The following TSACC variants were observed in gnomAD, a reference collection of about 807,000 sequenced individuals.
TSACC encodes TSSK6 activating cochaperone.
A neutral mutation model predicts 6.9 loss-of-function variants in TSACC; 3 were observed. The ratio of observed to expected loss-of-function variants is 0.43; its 90% confidence interval spans 0.20 to 1.12. TSACC has a LOEUF of 1.12. TSACC is among the 50% of genes most tolerant of loss of function. TSACC has a pLI of 0.28. For missense variants in TSACC, 137 were observed against 143.9 expected, an observed-to-expected ratio of 0.95 and a Z score of 0.24; for synonymous variants, 54 against 55.1, an observed-to-expected ratio of 0.98 and a Z score of 0.09.
chr1:156,338,362 A>T, upstream of TSACC: 1 of 633,294 alleles, frequency 1.6e-6, no homozygotes, highest in Admixed American at 2.6e-5. Flanking sequence ...ACAAAAACAG[A>T]CCAATTGACA....
At chr1:156,338,043 T>C (rs983053764), upstream of TSACC, 2 of 1,191,700 alleles carry the variant, frequency 1.7e-6, no homozygotes, top group African/African-American at 1.5e-5. Context: ...AAGACGATGA[T>C]TGGAAGGCTC....
At chr1:156,341,099 G>A (rs1405332830) in intron 2 of TSACC, among the ~76,000 whole-genome samples, 1 of 152,188 alleles carries the variant, frequency 6.6e-6, no homozygotes. Flanking sequence ...TTACAGGCGT[G>A]AGCCATCGCG....
At chr1:156,346,340 G>A (rs1417163442) in intron 3 of TSACC, among the ~76,000 whole-genome samples, 1 of 152,152 alleles carries the variant, frequency 6.6e-6, no homozygotes, top group Non-Finnish European at 1.5e-5. Flanking sequence ...TCTAGGGAAG[G>A]TAGGCCTCCC....
intron 2 of TSACC, among the ~76,000 whole-genome samples, chr1:156,340,458 CTTTTTTTT>C (rs1294722828): frequency 5.4e-5 from 6 of 111,796 alleles, no homozygotes; most frequent in Non-Finnish European, 1.1e-4. Context: ...CGCCCCCGGC[CTTTTTTTT>C]TTTTTTTTTT....
chr1:156,346,348 C>T (rs1362146654), intron 3 of TSACC, among the ~76,000 whole-genome samples: 1 of 152,136 alleles, frequency 6.6e-6, no homozygotes, highest in Non-Finnish European at 1.5e-5. Flanking sequence ...AGGTAGGCCT[C>T]CCTCCCAGAC....
intron 1 of TSACC, 124 bp from the exon 2 acceptor site, chr1:156,339,510 A>T (rs1665695391): frequency 2.1e-6 from 1 of 470,552 alleles, no homozygotes; most frequent in South Asian, 3.3e-5. Context: ...TTGTCCAGAA[A>T]AAAAAGGAAG....
At chr1:156,339,353 G>A (rs1665680186) in intron 1 of TSACC, among the ~76,000 whole-genome samples, 1 of 152,046 alleles carries the variant, frequency 6.6e-6, no homozygotes, top group African/African-American at 2.4e-5. Context: ...CTTAGTTAGA[G>A]ATGATGGGGA....
At chr1:156,339,974 G>A (rs1434116522) in intron 2 of TSACC, among the ~76,000 whole-genome samples, 183 bp downstream of exon 2, 1 of 152,186 alleles carries the variant, frequency 6.6e-6, no homozygotes, top group Non-Finnish European at 1.5e-5. Context: ...TTAATACTTA[G>A]AACAAGACTA....
upstream of TSACC, chr1:156,338,079 G>T: frequency 6.7e-7 from 1 of 1,503,156 alleles, no homozygotes; most frequent in Non-Finnish European, 9.1e-7. Flanking sequence ...GGGGGACGGA[G>T]CTGGGGCAAC....
At chr1:156,339,262 CAAAA>C (rs34441809) in intron 1 of TSACC, among the ~76,000 whole-genome samples, 3 of 136,728 alleles carry the variant, frequency 2.2e-5, no homozygotes, top group Non-Finnish European at 4.7e-5. Context: ...GACTCCATCT[CAAAA>C]AAAAAAAAAA....
intron 1 of TSACC, among the ~76,000 whole-genome samples, chr1:156,339,366 CAG>C (rs1040885865): frequency 1.3e-5 from 2 of 151,984 alleles, no homozygotes; most frequent in African/African-American, 2.4e-5. Flanking sequence ...GATGGGGAGC[CAG>C]AGTTTTAAAA....
chr1:156,340,458 CTTTTTTT>C (rs1294722828), intron 2 of TSACC, among the ~76,000 whole-genome samples: 1 of 111,798 alleles, frequency 8.9e-6, no homozygotes, highest in Admixed American at 9.8e-5. Context: ...CGCCCCCGGC[CTTTTTTT>C]TTTTTTTTTT....
upstream of TSACC, chr1:156,338,262 G>A (rs1350331024): frequency 3.4e-6 from 5 of 1,486,902 alleles, no homozygotes; most frequent in East Asian, 4.8e-5. Context: ...CCAGACAGAA[G>A]CCCAGAAAAC....
chr1:156,339,072 T>G (rs995563908), intron 1 of TSACC: 2 of 152,272 alleles, frequency 1.3e-5, no homozygotes, highest in African/African-American at 4.8e-5. Flanking sequence ...GAGACCAGCG[T>G]GGCCAACATG....
chr1:156,339,184 A>G (rs1214227661), intron 1 of TSACC, among the ~76,000 whole-genome samples: 1 of 151,994 alleles, frequency 6.6e-6, no homozygotes, highest in Non-Finnish European at 1.5e-5. Context: ...GAATCGCTTG[A>G]ACCCTGGAGA....
chr1:156,345,970 G>A (rs1666150862), intron 3 of TSACC, among the ~76,000 whole-genome samples: 1 of 151,926 alleles, frequency 6.6e-6, no homozygotes, highest in South Asian at 2.1e-4. Context: ...AAGGCAGGTG[G>A]ATCACCTGAG....
At chr1:156,343,819 C>G (rs1666024299) in intron 2 of TSACC, among the ~76,000 whole-genome samples, 4 of 152,102 alleles carry the variant, frequency 2.6e-5, no homozygotes, top group Admixed American at 2.6e-4. Context: ...CGGCTCGCTG[C>G]AATCTCTGCC....
chr1:156,344,607 T>C lies in TSACC; in HGVS notation c.62T>C (p.Val21Ala). 6.2e-7 allele frequency: 1 copy of C among 1,614,104 alleles called. No homozygotes were observed. Among genetic ancestry groups the C allele is most frequent in the African/African-American group, 1.3e-5 (1 of 75,054 alleles). The change falls in exon 3 of 4, where the codon GTG (valine) becomes GCG (alanine). Residue 21 changes from valine (V) to alanine (A), a missense_variant. Val to Ala is a moderately conservative substitution (Grantham distance 64). Transcript: ENST00000368254. ...CCAGCCAAAGAGGAAGCTAATGCTGTGCCTCTCTGTAGAGCAAAACCCTCC... is the reference window on the plus strand; with the variant it reads ...CCAGCCAAAGAGGAAGCTAATGCTGCGCCTCTCTGTAGAGCAAAACCCTCC... Reference protein sequence around the residue: ...KVPAKEEANAVPLCRAKPSPS... With the variant: ...KVPAKEEANAAPLCRAKPSPS...
At chr1:156,341,092 C>T (rs1442812354) in intron 2 of TSACC, among the ~76,000 whole-genome samples, 2 of 152,328 alleles carry the variant, frequency 1.3e-5, no homozygotes, top group South Asian at 4.1e-4. Flanking sequence ...CCTGGGATTA[C>T]AGGCGTGAGC....
Sources: allele counts gnomAD v4.1 joint callset (sites outside exome capture counted in the v4.1 genomes callset), GRCh38; gene constraint gnomAD v4.1.1; transcripts MANE v1.5; gene names NCBI Gene and HGNC (gene_info 2026-07-23, HGNC 2026-07-21).